The following EPM2A variants were observed in gnomAD, a reference collection of about 807,000 sequenced individuals.
The protein encoded by EPM2A is laforin.
A neutral mutation model predicts 26.5 loss-of-function variants in EPM2A; 21 were observed. The observed-to-expected ratio is 0.79, with a 90% CI of 0.56 to 1.14. The LOEUF is 1.14. EPM2A is among the 50% of genes most tolerant of loss of function. The probability of loss-of-function intolerance (pLI) is 0.00; values close to 1 mark genes in which losing one functional copy is unlikely to be tolerated. For missense variants in EPM2A, 458 were observed against 440.8 expected, an observed-to-expected ratio of 1.04 and a Z score of -0.35; for synonymous variants, 217 against 177.6, an observed-to-expected ratio of 1.22 and a Z score of -1.76.
intron 2 of EPM2A, among the ~76,000 whole-genome samples, chr6:145,644,568 AG>A (rs2128571832): frequency 6.6e-6 from 1 of 152,334 alleles, no homozygotes; most frequent in African/African-American, 2.4e-5. Flanking sequence ...TGCTGCAGTC[AG>A]GGATATCAAA....
At chr6:145,682,962 G>C (rs1022351979) in intron 2 of EPM2A, among the ~76,000 whole-genome samples, 2 of 152,106 alleles carry the variant, frequency 1.3e-5, no homozygotes, top group African/African-American at 4.8e-5. Flanking sequence ...CAGCAGCTAA[G>C]ATAAATTCAC....
chr6:145,661,361 C>G (rs1019904240), intron 2 of EPM2A, among the ~76,000 whole-genome samples: 5 of 152,054 alleles, frequency 3.3e-5, no homozygotes, highest in African/African-American at 1.2e-4. Flanking sequence ...TCATAGTGAC[C>G]AGAACAAAAT....
chr6:145,444,036 G>T (rs769961687), intron 4 of EPM2A, among the ~76,000 whole-genome samples: 1 of 152,082 alleles, frequency 6.6e-6, no homozygotes, highest in African/African-American at 2.4e-5. Context: ...TATCAGCAGC[G>T]TAAAAATGGA....
chr6:145,414,934 C>T (rs1778687942), intron 4 of EPM2A, among the ~76,000 whole-genome samples: 1 of 152,142 alleles, frequency 6.6e-6, no homozygotes, highest in Non-Finnish European at 1.5e-5. Context: ...TATTTTTAAA[C>T]CATTTTTCTT....
chr6:145,709,325 G>T (rs1042654404), intron 1 of EPM2A, among the ~76,000 whole-genome samples: 2 of 152,170 alleles, frequency 1.3e-5, no homozygotes, highest in Non-Finnish European at 2.9e-5. Flanking sequence ...ATCTTGAATT[G>T]TAGCTCCCAT....
At chr6:145,693,626 G>A (rs1231764497) in intron 1 of EPM2A, among the ~76,000 whole-genome samples, 1 of 151,872 alleles carries the variant, frequency 6.6e-6, no homozygotes, top group Non-Finnish European at 1.5e-5. Flanking sequence ...CTTCACCACT[G>A]TGCAATATGT....
intron 4 of EPM2A, among the ~76,000 whole-genome samples, chr6:145,486,909 T>G (rs976651330): frequency 6.6e-6 from 1 of 152,098 alleles, no homozygotes; most frequent in African/African-American, 2.4e-5. Context: ...TAAACATGTG[T>G]CATGGGATTT....
Position 145,626,532 on chromosome 6 carries a change from C to G in EPM2A, c.*884G>C, listed in dbSNP as rs895165125. The G allele has an allele frequency of 5.1e-6, 5 of 985,722 alleles. No homozygotes were observed. The African/African-American group carries it at 8.7e-5, about 17-fold the overall frequency. 61.1% of individuals were successfully genotyped at this position (985,722 alleles called of 1,614,324 possible). On this transcript the variant is annotated 3_prime_UTR_variant, in exon 4 of 4. Coordinates refer to ENST00000367519, the MANE Select transcript of EPM2A (RefSeq NM_005670.4). ...ATTCTATGTCTCGCTATAGAAACTC[C>G]TGCAGGCATATTGACTATACCCTGA...
At position 145,551,634 on chromosome 6, in the gene EPM2A, G is replaced by A. The variant is rs186933615; in HGVS notation, c.341-49059C>T. Among the ~76,000 whole-genome samples, 75 of 152,104 alleles carry A rather than the reference G, an allele frequency of 4.9e-4. No homozygotes were observed. In the East Asian group the frequency reaches 0.014, roughly 28 times the overall value. On this transcript the variant is annotated intron_variant, in intron 2 of 3. Coordinates refer to the EPM2A transcript ENST00000450221. ...CTTGGTTAAGAATTACATTTAAAAT[G>A]TTTTTGAGTTGGTTGTGTCACTCAG...
intron 4 of EPM2A, among the ~76,000 whole-genome samples, chr6:145,414,667 C>T (rs571287847): frequency 6.6e-6 from 1 of 152,216 alleles, no homozygotes; most frequent in East Asian, 1.9e-4. Context: ...ATTACTCTAA[C>T]ATCACCATTT....
At chr6:145,428,713 G>A (rs891486266) in intron 4 of EPM2A, among the ~76,000 whole-genome samples, 2 of 152,150 alleles carry the variant, frequency 1.3e-5, no homozygotes, top group African/African-American at 2.4e-5. Flanking sequence ...GTTACATGTC[G>A]TTTTGTAAAC....
chr6:145,705,671 G>A (rs1782182647), intron 1 of EPM2A: 1 of 418,212 alleles, frequency 2.4e-6, no homozygotes, highest in Non-Finnish European at 4.8e-6. Flanking sequence ...TGACCATCAA[G>A]GCAATCCCTA....
chr6:145,715,663 C>A (rs55746945), intron 1 of EPM2A, among the ~76,000 whole-genome samples: 2 of 152,068 alleles, frequency 1.3e-5, no homozygotes, highest in Non-Finnish European at 2.9e-5. Context: ...GTGAACTCTG[C>A]GTCCTGTCAG....
At chr6:145,404,277 T>A (rs1778536600) in intron 4 of EPM2A, among the ~76,000 whole-genome samples, 1 of 152,148 alleles carries the variant, frequency 6.6e-6, no homozygotes, top group African/African-American at 2.4e-5. Context: ...CATATTTTCA[T>A]ATGTTTTTAA....
At chr6:145,498,873 G>A (rs1325165877), downstream of EPM2A, among the ~76,000 whole-genome samples, 1 of 152,132 alleles carries the variant, frequency 6.6e-6, no homozygotes, top group Non-Finnish European at 1.5e-5. Context: ...TACAAAGGCT[G>A]TTTTCATATC....
intron 4 of EPM2A, among the ~76,000 whole-genome samples, chr6:145,386,282 G>A (rs908966622): frequency 8.6e-5 from 13 of 152,012 alleles, no homozygotes; most frequent in Admixed American, 2.0e-4. Flanking sequence ...CATTACAGTG[G>A]TGCCTGCTAT....
At chr6:145,478,015 T>C (rs1369376014) in intron 4 of EPM2A, among the ~76,000 whole-genome samples, 1 of 151,448 alleles carries the variant, frequency 6.6e-6, no homozygotes, top group Non-Finnish European at 1.5e-5. Flanking sequence ...TGATGTAAAC[T>C]TACATTTGGA....
chr6:145,689,360 T>G (rs1028137233), intron 1 of EPM2A, among the ~76,000 whole-genome samples: 1 of 152,190 alleles, frequency 6.6e-6, no homozygotes, highest in Non-Finnish European at 1.5e-5. Flanking sequence ...ATAAATGTAC[T>G]TTTCCCTAGT....
chr6:145,594,598 T>A (rs112189516), intron 2 of EPM2A, among the ~76,000 whole-genome samples: 189 of 152,052 alleles, frequency 1.2e-3, no homozygotes, highest in African/African-American at 4.3e-3. Context: ...CAAAAAATTC[T>A]ACACCATAAC....
Sources: gnomAD v4.1 joint callset for allele counts (sites outside exome capture counted in the v4.1 genomes callset) on GRCh38, gnomAD v4.1.1 for gene constraint, MANE v1.5 for transcripts, NCBI Gene and HGNC (gene_info 2026-07-23, HGNC 2026-07-21) for gene names.